Variants in CXCL13 observed in about 807,000 individuals in gnomAD.
CXCL13 encodes C-X-C motif chemokine ligand 13.
Under a neutral mutation model 12.2 loss-of-function variants are expected in CXCL13, and 7 were observed. That is an observed-to-expected ratio of 0.57 (90% CI 0.33 to 1.07). The LOEUF (loss-of-function observed/expected upper bound fraction) is 1.07, where lower values mean the gene tolerates loss of function less well. Among genes scored for constraint, CXCL13 ranks in the 50% least tolerant of loss-of-function variants. The pLI, the probability that CXCL13 is intolerant of heterozygous loss-of-function variation, is 0.04. For synonymous variants in CXCL13, 47 were observed against 42.4 expected (o/e 1.11, Z -0.42); for missense variants, 113 against 127.4 (o/e 0.89, Z 0.55).
chr4:77,527,558 A>C (rs1004415859), intron 1 of CXCL13, among the ~76,000 whole-genome samples: 1 of 151,940 alleles, frequency 6.6e-6, no homozygotes, highest in African/African-American at 2.4e-5. Context: ...CTTAAGCCTG[A>C]GAGGTGGAGG....
chr4:77,528,695 T>G (rs1392354552), intron 1 of CXCL13, among the ~76,000 whole-genome samples: 2 of 152,192 alleles, frequency 1.3e-5, no homozygotes, highest in African/African-American at 4.8e-5. Context: ...GTCAGATGAG[T>G]AGATTGCAAA....
intron 1 of CXCL13, among the ~76,000 whole-genome samples, chr4:77,567,073 A>G (rs1725957841): frequency 6.6e-6 from 1 of 152,146 alleles, no homozygotes; most frequent in Admixed American, 6.5e-5. Flanking sequence ...CTTTGTGACA[A>G]TACACCCTCT....
chr4:77,559,975 G>A (rs933893440), intron 1 of CXCL13, among the ~76,000 whole-genome samples: 2 of 150,228 alleles, frequency 1.3e-5, no homozygotes, highest in African/African-American at 4.9e-5. Flanking sequence ...ATATCTTGGA[G>A]CTCCAGTGAC....
At chr4:77,515,189 A>T (rs989057098) in intron 1 of CXCL13, among the ~76,000 whole-genome samples, 3 of 152,202 alleles carry the variant, frequency 2.0e-5, no homozygotes, top group African/African-American at 7.2e-5. Flanking sequence ...TACCAGTGCC[A>T]TGCTGTTTTG....
intron 1 of CXCL13, among the ~76,000 whole-genome samples, chr4:77,519,395 A>G (rs1458680088): frequency 6.6e-6 from 1 of 152,078 alleles, no homozygotes; most frequent in African/African-American, 2.4e-5. Flanking sequence ...AGCTGTTCCT[A>G]TTCGGCCATC....
chr4:77,605,060 G>A (rs2109836926), upstream of CXCL13, among the ~76,000 whole-genome samples: 1 of 152,176 alleles, frequency 6.6e-6, no homozygotes, highest in Admixed American at 6.5e-5. Flanking sequence ...TGTAATATGG[G>A]GTTCACCCTC....
intron 1 of CXCL13, among the ~76,000 whole-genome samples, chr4:77,600,368 T>C (rs1326813521): frequency 6.6e-6 from 1 of 152,126 alleles, no homozygotes; most frequent in African/African-American, 2.4e-5. Context: ...GATTAGCTGA[T>C]ATCAAGGGAA....
At chr4:77,586,279 T>G (rs1338714299) in intron 1 of CXCL13, among the ~76,000 whole-genome samples, 1 of 151,908 alleles carries the variant, frequency 6.6e-6, no homozygotes, top group Non-Finnish European at 1.5e-5. Flanking sequence ...TTCTCCCTGT[T>G]CTCAAAGGGA....
At chr4:77,517,441 T>G (rs1724453871) in intron 1 of CXCL13, among the ~76,000 whole-genome samples, 1 of 152,200 alleles carries the variant, frequency 6.6e-6, no homozygotes, top group Admixed American at 6.5e-5. Context: ...TGTGGGAGTC[T>G]AAGTCTCTTT....
At chr4:77,517,795 G>T (rs936752162) in intron 1 of CXCL13, among the ~76,000 whole-genome samples, 2 of 152,106 alleles carry the variant, frequency 1.3e-5, no homozygotes, top group East Asian at 3.9e-4. Flanking sequence ...TTGGAGCATT[G>T]AGTCCATTTA....
intron 1 of CXCL13, among the ~76,000 whole-genome samples, chr4:77,517,394 G>C (rs1380259398): frequency 6.6e-6 from 1 of 152,154 alleles, no homozygotes; most frequent in Non-Finnish European, 1.5e-5. Flanking sequence ...TCTGTCTAAT[G>C]TTGACAGTGG....
chr4:77,607,908 G>T, intron 2 of CXCL13, 73 bp downstream of exon 2: 12 of 1,435,042 alleles, frequency 8.4e-6, no homozygotes, highest in Non-Finnish European at 1.2e-5. Flanking sequence ...CCATACAGTA[G>T]TCTTACTCAA....
intron 1 of CXCL13, among the ~76,000 whole-genome samples, chr4:77,591,080 C>T (rs3113354): frequency 0.36 from 55,439 of 152,062 alleles, 12,743 homozygotes; most frequent in African/African-American, 0.65. Context: ...GGTTTTGCCA[C>T]GTTGGCTAGG....
At chr4:77,531,789 AC>A (rs1382818303) in intron 1 of CXCL13, among the ~76,000 whole-genome samples, 1 of 151,980 alleles carries the variant, frequency 6.6e-6, no homozygotes, top group Non-Finnish European at 1.5e-5. Flanking sequence ...TGATCCCTTT[AC>A]CATTATGTAA....
At chr4:77,604,614 G>C (rs1726958682), upstream of CXCL13, among the ~76,000 whole-genome samples, 1 of 152,056 alleles carries the variant, frequency 6.6e-6, no homozygotes, top group Admixed American at 6.5e-5. Flanking sequence ...GTAACAACTA[G>C]AAGTGCCAAA....
At chr4:77,571,715 G>A (rs1041674110) in intron 1 of CXCL13, among the ~76,000 whole-genome samples, 1 of 151,772 alleles carries the variant, frequency 6.6e-6, no homozygotes, top group Admixed American at 6.5e-5. Context: ...ATAAAAGCAG[G>A]CTGCCGGAGC....
Position 77,580,638 on chromosome 4 carries a change from G to T in CXCL13, c.-42-25186G>T, listed in dbSNP as rs1726307034. ...CCATGCCCAGCCGGGCTCTTATAAAGCCTTCAGGATTTATTTCTGGCTTTT... is the reference window on the plus strand; with the variant it reads ...CCATGCCCAGCCGGGCTCTTATAAATCCTTCAGGATTTATTTCTGGCTTTT... On this transcript the variant is annotated intron_variant, in intron 1 of 4. Coordinates refer to the CXCL13 transcript ENST00000286758. 2.0e-5 allele frequency among the ~76,000 whole-genome samples: 3 copies of T among 151,730 alleles called. No individual in the cohort carries two copies. In the South Asian group the frequency reaches 6.3e-4, roughly 32 times the overall value.
At chr4:77,529,114 C>T (rs532195623) in intron 1 of CXCL13, among the ~76,000 whole-genome samples, 1 of 152,222 alleles carries the variant, frequency 6.6e-6, no homozygotes, top group African/African-American at 2.4e-5. Context: ...TTTCTGAGGG[C>T]TCTGTTCTAT....
At chr4:77,553,780 A>G (rs1055339349) in intron 1 of CXCL13, among the ~76,000 whole-genome samples, 1 of 152,228 alleles carries the variant, frequency 6.6e-6, no homozygotes, top group Non-Finnish European at 1.5e-5. Context: ...TGGATGAGGC[A>G]TGCTGAAAGC....
Sources: gnomAD v4.1 joint callset for allele counts (sites outside exome capture counted in the v4.1 genomes callset) on GRCh38, gnomAD v4.1.1 for gene constraint, MANE v1.5 for transcripts, NCBI Gene and HGNC (gene_info 2026-07-23, HGNC 2026-07-21) for gene names.